Variants in GALNT15 observed in about 807,000 individuals in gnomAD.
GALNT15 encodes UDP-GalNAc transferase T15.
Under a neutral mutation model 66.8 loss-of-function variants are expected in GALNT15, and 67 were observed. The ratio of observed to expected loss-of-function variants is 1.00; its 90% CI spans 0.82 to 1.23. GALNT15 has a LOEUF of 1.23. Ranked by LOEUF, GALNT15 falls within the 50% of genes most tolerant of loss-of-function variation. The pLI, the probability that GALNT15 is intolerant of heterozygous loss-of-function variation, is 0.00. For synonymous variants in GALNT15, 313 were observed against 311.5 expected (o/e 1.00, Z -0.05); for missense variants, 827 against 804.3 (o/e 1.03, Z -0.34).
At position 16,228,077 on chromosome 3, in the gene GALNT15, A is replaced by T; in HGVS notation, c.*577A>T. 2 of 986,224 alleles carry T rather than the reference A, an allele frequency of 2.0e-6. No homozygotes were observed. The highest frequency in any genetic ancestry group is 2.4e-6 in the Non-Finnish European group (2 of 830,212). The allele number at this position is 986,224 out of a possible 1,614,324, so 61.1% of individuals were successfully genotyped here. ...AGGATTGCAGAGAAGATGCAAGAGC[A>T]CTTTGGCCCAATTCTCCAGCTCAAC... On this transcript the variant is annotated 3_prime_UTR_variant, in exon 10 of 10. Coordinates refer to ENST00000339732, the MANE Select transcript of GALNT15 (RefSeq NM_054110.5).
chr3:16,215,275 T>C (rs1052051838), intron 6 of GALNT15, among the ~76,000 whole-genome samples: 3 of 152,260 alleles, frequency 2.0e-5, no homozygotes, highest in Non-Finnish European at 4.4e-5. Context: ...TTTTAGAGCA[T>C]GACTGGTCTG....
chr3:16,244,490 C>A, the GALNT15 span, among the ~76,000 whole-genome samples: 2 of 152,194 alleles, frequency 1.3e-5, no homozygotes, highest in Admixed American at 6.5e-5. Context: ...CTGATCAATG[C>A]CAATAGTTGG....
In GALNT15 at chr3:16,228,950, C is replaced by G; in HGVS notation, c.*1450C>G. ...AGGCTAGTAAGAGCTAAATGACTTT[C>G]CTTGCTATGACTTGGCTTACCTGAA... On this transcript the variant is annotated 3_prime_UTR_variant, in exon 10 of 10. Transcript: ENST00000339732. The G allele has an allele frequency of 1.0e-6, 1 of 985,414 alleles. No homozygotes were observed. The allele number at this position is 985,414 out of a possible 1,614,324, so 61.0% of individuals were successfully genotyped here.
intron 2 of GALNT15, among the ~76,000 whole-genome samples, chr3:16,198,799 G>A (rs1476981004): frequency 2.8e-5 from 4 of 141,904 alleles, no homozygotes; most frequent in African/African-American, 1.1e-4. Context: ...TTAGAAGACA[G>A]ATTCCCAGGG....
rs1376775023 is a variant in GALNT15, at chr3:16,182,269, G to A, written c.539+6579G>A. Among the ~76,000 whole-genome samples, 1 of 152,002 alleles carries A rather than the reference G, an allele frequency of 6.6e-6. No homozygotes were observed. Among genetic ancestry groups the A allele is most frequent in the Non-Finnish European group, 1.5e-5 (1 of 68,024 alleles). On this transcript the variant is annotated intron_variant, in intron 1 of 9. Transcript: ENST00000339732. This position sits in a 1 kb window ranked among gnomAD's most constrained non-coding sequence, Gnocchi z 6.1. ...GATTTCCATTCATGTTAAAGTTTGAGAGCCATTATGAGGCCAGTGGTTCAC... is the reference window on the plus strand; with the variant it reads ...GATTTCCATTCATGTTAAAGTTTGAAAGCCATTATGAGGCCAGTGGTTCAC...
chr3:16,218,705 C>A (rs4143290), intron 6 of GALNT15, among the ~76,000 whole-genome samples: 152,304 of 152,304 alleles, frequency 1, 76,152 homozygotes, highest in Non-Finnish European at 1. Flanking sequence ...CATGAGGCCC[C>A]TCGTAGTTTC....
intron 8 of GALNT15, 108 bp downstream of exon 8, chr3:16,220,122 G>A: frequency 2.4e-6 from 2 of 849,058 alleles, no homozygotes; most frequent in Non-Finnish European, 4.0e-6. Flanking sequence ...TTCTTTCTGT[G>A]GTCCCATGTC....
Position 16,219,837 on chromosome 3 carries a change from G to A in GALNT15, c.1525-73G>A. ...GCTGCACTCCAGAGAATACAGCAAAGGAATGGTGTCTGACCGAGGGTGTCT... is the reference window on the plus strand; with the variant it reads ...GCTGCACTCCAGAGAATACAGCAAAAGAATGGTGTCTGACCGAGGGTGTCT... On this transcript the variant is annotated intron_variant, in intron 7 of 9. Coordinates refer to ENST00000339732, the MANE Select transcript of GALNT15 (RefSeq NM_054110.5). This position sits in a 1 kb window ranked among gnomAD's most constrained non-coding sequence, Gnocchi z 4.3. 1 of 1,240,298 alleles carries A rather than the reference G, an allele frequency of 8.1e-7. No individual in the cohort carries two copies. 76.8% of individuals were successfully genotyped at this position (1,240,298 alleles called of 1,614,324 possible).
intron 8 of GALNT15, among the ~76,000 whole-genome samples, chr3:16,221,756 T>C (rs1346252999): frequency 2.6e-5 from 4 of 152,202 alleles, no homozygotes; most frequent in Non-Finnish European, 4.4e-5. Context: ...TCCCTGAGAA[T>C]TTTTAACCAC....
At chr3:16,207,317 G>T (rs1347754250) in intron 3 of GALNT15, among the ~76,000 whole-genome samples, 1 of 152,046 alleles carries the variant, frequency 6.6e-6, no homozygotes, top group African/African-American at 2.4e-5. Context: ...GTTCAGGCCT[G>T]ATTCATTCCA....
At position 16,190,361 on chromosome 3, in the gene GALNT15, G is replaced by A. The variant is rs144715259; in HGVS notation, c.540-5399G>A. On this transcript the variant is annotated intron_variant, in intron 1 of 9. Transcript: ENST00000339732. ...AAACAAAACAATCCCTGGCTAGGCC[G>A]GGCATGGTGGCTGACGCCTGTAATC... is the stretch of plus-strand genomic sequence containing the variant. Among the ~76,000 whole-genome samples, 524 of 152,322 alleles carry A rather than the reference G, an allele frequency of 3.4e-3. 3 individuals carry two copies. Among genetic ancestry groups the A allele is most frequent in the African/African-American group, 0.012 (505 of 41,572 alleles).
intron 6 of GALNT15, among the ~76,000 whole-genome samples, chr3:16,213,654 G>A (rs1200683160): frequency 6.6e-6 from 1 of 152,146 alleles, no homozygotes; most frequent in East Asian, 1.9e-4. Flanking sequence ...GGGCTCCAAA[G>A]ACAAGATTCC....
intron 2 of GALNT15, among the ~76,000 whole-genome samples, chr3:16,197,025 C>T (rs888202587): frequency 3.9e-5 from 6 of 152,214 alleles, no homozygotes; most frequent in Non-Finnish European, 7.3e-5. Context: ...TTCCTGGGTG[C>T]AGCTGGCTGC....
intron 6 of GALNT15, among the ~76,000 whole-genome samples, chr3:16,215,417 G>A (rs1003843499): frequency 6.6e-6 from 1 of 152,210 alleles, no homozygotes; most frequent in Non-Finnish European, 1.5e-5. Flanking sequence ...AGTTGCTAAA[G>A]AGAAGTGGGG....
At chr3:16,220,848 G>A (rs1394907) in intron 8 of GALNT15, among the ~76,000 whole-genome samples, 1 of 152,100 alleles carries the variant, frequency 6.6e-6, no homozygotes, top group African/African-American at 2.4e-5. Context: ...CTGGGGGCAG[G>A]CTGTGGGCCT....
At position 16,204,801 on chromosome 3, in the gene GALNT15, G is replaced by T. The variant is rs1336660765; in HGVS notation, c.912-3702G>T. On this transcript the variant is annotated intron_variant, in intron 3 of 9. Transcript: ENST00000339732. This position sits in a 1 kb window ranked among gnomAD's most constrained non-coding sequence, Gnocchi z 4.5. ...GGGGTGCTATGGGGAGAAGCAATGTGGGGCAGGGAGAAGAACACCTCCCAC... is the reference window on the plus strand; with the variant it reads ...GGGGTGCTATGGGGAGAAGCAATGTTGGGCAGGGAGAAGAACACCTCCCAC... 6.6e-6 allele frequency among the ~76,000 whole-genome samples: 1 copy of T among 152,168 alleles called. No homozygotes were observed. Among genetic ancestry groups the T allele is most frequent in the Admixed American group, 6.5e-5 (1 of 15,280 alleles).
chr3:16,237,045 T>G, the GALNT15 span, among the ~76,000 whole-genome samples: 2 of 152,200 alleles, frequency 1.3e-5, no homozygotes, highest in Non-Finnish European at 1.5e-5. This position sits in a 1 kb window ranked among gnomAD's most constrained non-coding sequence, Gnocchi z 4.2. Flanking sequence ...AAGCACACGC[T>G]CCCGCTAACA....
At chr3:16,216,212 A>G (rs2063875123) in intron 6 of GALNT15, among the ~76,000 whole-genome samples, 1 of 152,226 alleles carries the variant, frequency 6.6e-6, no homozygotes, top group Non-Finnish European at 1.5e-5. Context: ...AAAGAATTCA[A>G]CTGAGGGGCA....
chr3:16,175,455 C>A lies in GALNT15; in HGVS notation c.304C>A (p.Pro102Thr), dbSNP rs199736418. Reference protein sequence around the residue: ...EDQLLVAVALPQARRNQSQGR... With the variant: ...EDQLLVAVALTQARRNQSQGR... ...TCAGCTGCTGGTGGCCGTGGCCTTA[C>A]CCCAGGCCAGAAGGAACCAGAGCCA... Residue 102 changes from proline (P) to threonine (T), a missense_variant, in exon 1 of 10, where the codon CCC (proline) becomes ACC (threonine). Pro to Thr is a conservative substitution (Grantham distance 38). Transcript: ENST00000339732. The surrounding 1 kb of genome is among the most constrained non-coding windows in gnomAD (Gnocchi z 5.6). 1.9e-6 allele frequency: 3 copies of A among 1,614,138 alleles called. No homozygotes were observed. In the East Asian group the frequency reaches 6.7e-5, roughly 36 times the overall value.
Sources: gnomAD v4.1 joint callset for allele counts (sites outside exome capture counted in the v4.1 genomes callset) on GRCh38, gnomAD v4.1.1 for gene constraint, Gnocchi (gnomAD v3.1) non-coding constraint, MANE v1.5 for transcripts, NCBI Gene and HGNC (gene_info 2026-07-23, HGNC 2026-07-21) for gene names.